SUFU: variants seen among roughly 807,000 people sequenced by gnomAD.
SUFU encodes SUFU negative regulator of hedgehog signaling, also known as suppressor of fused homolog.
In SUFU, 7 loss-of-function variants were observed where a neutral mutation model predicts 58.9. That is an observed-to-expected ratio of 0.12 (90% CI 0.07 to 0.22). The LOEUF is 0.22. Among genes scored for constraint, SUFU ranks in the 10% least tolerant of loss-of-function variants. SUFU has a pLI of 1.00. For synonymous variants in SUFU, 232 were observed against 254.8 expected (o/e 0.91, Z 0.85); for missense variants, 451 against 641.3 (o/e 0.70, Z 3.20).
chr10:102,515,943 C>T (rs1231809044), intron 2 of SUFU, among the ~76,000 whole-genome samples: 1 of 152,132 alleles, frequency 6.6e-6, no homozygotes, highest in African/African-American at 2.4e-5. Flanking sequence ...ATCTGGACCA[C>T]CAAGCAAGCG....
Position 102,514,099 on chromosome 10 carries a change from C to A in SUFU, c.317+4796C>A, listed in dbSNP as rs566898401. On this transcript the variant is annotated intron_variant, in intron 2 of 11. Transcript: ENST00000369902. ...ACGAGGTCTTGCTATGTTGCCCAGG[C>A]TGGTCTCGAACTACTGGACTCAAGC... 2.0e-5 allele frequency among the ~76,000 whole-genome samples: 3 copies of A among 152,000 alleles called. No individual in the cohort carries two copies. In the East Asian group the frequency reaches 5.8e-4, roughly 29 times the overall value.
At chr10:102,527,160 G>A (rs2062618988) in intron 2 of SUFU, among the ~76,000 whole-genome samples, 2 of 151,770 alleles carry the variant, frequency 1.3e-5, no homozygotes, top group African/African-American at 4.8e-5. Context: ...CCACCACCAC[G>A]CCTGGCTAAC....
At position 102,629,461 on chromosome 10, in the gene SUFU, G is replaced by A. The variant is rs528163929; in HGVS notation, c.1366-605G>A. ...GTGGTGCGAATGAATACAGGGAGCAGGGTGGGGATTGGCCCCTCTCAGGCC... is the reference window on the plus strand; with the variant it reads ...GTGGTGCGAATGAATACAGGGAGCAAGGTGGGGATTGGCCCCTCTCAGGCC... On this transcript the variant is annotated intron_variant, in intron 11 of 11. Coordinates refer to ENST00000369902, the MANE Select transcript of SUFU (RefSeq NM_016169.4). The surrounding 1 kb of genome is among the most constrained non-coding windows in gnomAD (Gnocchi z 4.7). Among the ~76,000 whole-genome samples, 8 of 152,326 alleles carry A rather than the reference G, an allele frequency of 5.3e-5. 1 individual carries two copies. The South Asian group carries it at 1.7e-3, about 32-fold the overall frequency.
intron 3 of SUFU, among the ~76,000 whole-genome samples, chr10:102,589,886 A>G (rs902273128): frequency 1.3e-5 from 2 of 152,074 alleles, no homozygotes; most frequent in Non-Finnish European, 2.9e-5. Flanking sequence ...CCATTAATCA[A>G]GTATGATGTT....
At chr10:102,554,529 AC>A (rs2062953573) in intron 3 of SUFU, among the ~76,000 whole-genome samples, 1 of 152,246 alleles carries the variant, frequency 6.6e-6, no homozygotes, top group African/African-American at 2.4e-5. Flanking sequence ...AACCTCCCTT[AC>A]GTCTCCTTTT....
chr10:102,539,333 A>G (rs542079217), intron 2 of SUFU, among the ~76,000 whole-genome samples: 1 of 152,344 alleles, frequency 6.6e-6, no homozygotes, highest in East Asian at 1.9e-4. Context: ...GTATTTCTCC[A>G]TAGGAATATC....
At chr10:102,587,047 G>A (rs756213470) in intron 3 of SUFU, among the ~76,000 whole-genome samples, 10 of 152,112 alleles carry the variant, frequency 6.6e-5, no homozygotes, top group Non-Finnish European at 1.5e-4. Context: ...TCTTTTTTAT[G>A]GCTGAATAGT....
intron 3 of SUFU, among the ~76,000 whole-genome samples, chr10:102,571,209 T>A (rs2063156825): frequency 6.6e-6 from 1 of 152,258 alleles, no homozygotes; most frequent in Admixed American, 6.5e-5. Context: ...TTTGCACCCA[T>A]GACCTGATAG....
chr10:102,580,864 TC>T (rs1171010295), intron 3 of SUFU, among the ~76,000 whole-genome samples: 1 of 152,072 alleles, frequency 6.6e-6, no homozygotes, highest in Non-Finnish European at 1.5e-5. Flanking sequence ...GGCACACACA[TC>T]CCTATTCTCC....
chr10:102,555,990 A>G (rs1321684606), intron 3 of SUFU, among the ~76,000 whole-genome samples: 1 of 152,138 alleles, frequency 6.6e-6, no homozygotes, highest in Non-Finnish European at 1.5e-5. Context: ...TATGGGGAGC[A>G]CTCCACCCAC....
chr10:102,562,619 G>C (rs986383135), intron 3 of SUFU, among the ~76,000 whole-genome samples: 1 of 152,130 alleles, frequency 6.6e-6, no homozygotes, highest in African/African-American at 2.4e-5. Context: ...GGCTGGCTGT[G>C]GTGGCTCACA....
intron 2 of SUFU, among the ~76,000 whole-genome samples, chr10:102,542,659 CTG>C (rs2062815629): frequency 3.5e-5 from 5 of 144,018 alleles, no homozygotes; most frequent in African/African-American, 7.7e-5. Flanking sequence ...GAGTCTCCCT[CTG>C]TCACCCAGGC....
chr10:102,619,607 G>T lies in SUFU; in HGVS notation c.1296+2179G>T, dbSNP rs1029790795. ...GGGTTTCTCAGGCCCTTTCCAAGGA[G>T]CCCTGGGAAACCCTCTGACCCTGCC... On this transcript the variant is annotated intron_variant, in intron 10 of 11. Coordinates refer to ENST00000369902, the MANE Select transcript of SUFU (RefSeq NM_016169.4). The surrounding 1 kb of genome is among the most constrained non-coding windows in gnomAD (Gnocchi z 4.2). 5 of 717,528 alleles carry T rather than the reference G, an allele frequency of 7.0e-6. No individual in the cohort carries two copies. Among genetic ancestry groups the T allele is most frequent in the Admixed American group, 5.5e-5 (1 of 18,076 alleles). The allele number at this position is 717,528 out of a possible 1,614,324, so 44.4% of individuals were successfully genotyped here.
chr10:102,557,498 T>C (rs1042832466), intron 3 of SUFU, among the ~76,000 whole-genome samples: 1 of 151,628 alleles, frequency 6.6e-6, no homozygotes, highest in Non-Finnish European at 1.5e-5. Context: ...GAGGCTGAGG[T>C]AGGAGGATTA....
intron 8 of SUFU, among the ~76,000 whole-genome samples, chr10:102,602,278 T>C (rs1456844023): frequency 1.3e-5 from 2 of 152,220 alleles, no homozygotes; most frequent in Non-Finnish European, 2.9e-5. Context: ...CAGCCATCTA[T>C]CAGCCATTAA....
chr10:102,530,286 A>G (rs1453932030), intron 2 of SUFU, among the ~76,000 whole-genome samples: 5 of 151,936 alleles, frequency 3.3e-5, no homozygotes, highest in Non-Finnish European at 7.4e-5. Flanking sequence ...GAGACCTCCA[A>G]AGGGTCCAAA....
At chr10:102,577,083 T>TC (rs1258879855) in intron 3 of SUFU, among the ~76,000 whole-genome samples, 15 of 118,222 alleles carry the variant, frequency 1.3e-4, no homozygotes, top group African/African-American at 3.1e-4. Context: ...ATTTTTTCTT[T>TC]TCTTTTTTTT....
Position 102,619,578 on chromosome 10 carries a change from C to T in SUFU, c.1296+2150C>T, listed in dbSNP as rs554115430. The T allele has an allele frequency of 1.9e-5, 17 of 912,678 alleles. No individual in the cohort carries two copies. In the African/African-American group the frequency reaches 1.9e-4, roughly 10 times the overall value. The allele number at this position is 912,678 out of a possible 1,614,324, so 56.5% of individuals were successfully genotyped here. A position where few individuals can be genotyped will look rare whatever the true frequency, so the allele number is the denominator to read the frequency against. ...ACCCCAAGCACCCACCCTTGATCAC[C>T]GAGGGGTTTCTCAGGCCCTTTCCAA... is the stretch of plus-strand genomic sequence containing the variant. On this transcript the variant is annotated intron_variant, in intron 10 of 11. Transcript: ENST00000369902. This position sits in a 1 kb window ranked among gnomAD's most constrained non-coding sequence, Gnocchi z 4.2.
chr10:102,517,237 G>A (rs992604540), intron 2 of SUFU, among the ~76,000 whole-genome samples: 2 of 152,060 alleles, frequency 1.3e-5, no homozygotes, highest in African/African-American at 4.8e-5. Context: ...ACACTGAGCC[G>A]AGATCTCGCC....
Sources: gnomAD v4.1 joint callset for allele counts (sites outside exome capture counted in the v4.1 genomes callset) on GRCh38, gnomAD v4.1.1 for gene constraint, Gnocchi (gnomAD v3.1) non-coding constraint, MANE v1.5 for transcripts, NCBI Gene and HGNC (gene_info 2026-07-23, HGNC 2026-07-21) for gene names.